RESF1: variants seen among roughly 807,000 people sequenced by gnomAD.
The protein encoded by RESF1 is retroelement silencing factor 1, also known as gonad expressed transcript.
RESF1 carries 65 observed loss-of-function variants against 134.7 expected under a neutral mutation model. That is an observed-to-expected ratio of 0.48 (90% CI 0.40 to 0.59). The LOEUF (loss-of-function observed/expected upper bound fraction) is 0.59, where lower values mean the gene tolerates loss of function less well. Among genes scored for constraint, RESF1 ranks in the 20% least tolerant of loss-of-function variants. The probability of loss-of-function intolerance (pLI) is 0.00; values close to 1 mark genes in which losing one functional copy is unlikely to be tolerated. For synonymous variants in RESF1, 762 were observed against 702.2 expected, an observed-to-expected ratio of 1.09 and a Z score of -1.35; for missense variants, 2,274 against 2,002.7, an observed-to-expected ratio of 1.14 and a Z score of -2.59.
At chr12:31,973,171 G>A (rs1939553381) in intron 3 of RESF1, among the ~76,000 whole-genome samples, 1 of 152,014 alleles carries the variant, frequency 6.6e-6, no homozygotes, top group Admixed American at 6.6e-5. Flanking sequence ...ACTTGTCTAT[G>A]GTAATCTGTG....
chr12:31,983,820 A>G lies in RESF1; in HGVS notation c.2865A>G (p.Gln955=). Residue 955 remains glutamine (Q), a synonymous_variant, in exon 4 of 6, where the codon CAA becomes CAG. Coordinates refer to ENST00000312561, the MANE Select transcript of RESF1 (RefSeq NM_018169.4). The part of the protein sequence containing the change: ...NTTENKDFGF[Q]KDKPVQCTDV... ...CTGAAAATAAAGACTTTGGTTTTCA[A>G]AAAGATAAACCTGTACAGTGCACAG... 1 of 1,612,768 alleles carries G rather than the reference A, an allele frequency of 6.2e-7. No homozygotes were observed. Among genetic ancestry groups the G allele is most frequent in the Non-Finnish European group, 8.5e-7 (1 of 1,179,892 alleles).
intron 3 of RESF1, among the ~76,000 whole-genome samples, chr12:31,979,938 C>T (rs1231995325): frequency 6.6e-6 from 1 of 151,480 alleles, no homozygotes; most frequent in African/African-American, 2.4e-5. Context: ...TTCCAACCGT[C>T]TAATACTTGG....
intron 5 of RESF1, 55 bp from the exon 6 acceptor site, chr12:31,992,323 A>G: frequency 6.9e-7 from 1 of 1,441,854 alleles, no homozygotes. Flanking sequence ...TTGATTATAT[A>G]TTGATCACAG....
intron 4 of RESF1, among the ~76,000 whole-genome samples, chr12:31,986,859 T>C (rs1939983418): frequency 6.6e-6 from 1 of 152,186 alleles, no homozygotes; most frequent in South Asian, 2.1e-4. Context: ...ATATTCATTT[T>C]GTAAAAAATT....
chr12:31,968,857 C>A (rs1939452746), intron 2 of RESF1, among the ~76,000 whole-genome samples: 1 of 152,194 alleles, frequency 6.6e-6, no homozygotes. Flanking sequence ...GCCTGAAAGA[C>A]TTTTATGCCT....
At position 31,992,589 on chromosome 12, in the gene RESF1, C is replaced by A; in HGVS notation, c.*54C>A. The stretch of plus-strand genomic sequence containing the variant: ...TGGGAAATTTCTTTCCTTTTCTGTT[C>A]AAAATATTTCGCTGAAACTAATGAG... On this transcript the variant is annotated 3_prime_UTR_variant, in exon 6 of 6. Transcript: ENST00000312561. The A allele has an allele frequency of 1.3e-6, 2 of 1,521,826 alleles. No individual in the cohort carries two copies. The highest frequency in any genetic ancestry group is 1.2e-5 in the South Asian group (1 of 85,766). The allele number at this position is 1,521,826 out of a possible 1,614,324, so 94.3% of individuals were successfully genotyped here.
rs758296073 is a variant in RESF1, at chr12:31,983,982, T to TA, written c.3028dup (p.Thr1010AsnfsTer31). 1 of 1,613,860 alleles carries TA rather than the reference T, an allele frequency of 6.2e-7. No homozygotes were observed. Among genetic ancestry groups the TA allele is most frequent in the African/African-American group, 1.3e-5 (1 of 75,010 alleles). The stretch of plus-strand genomic sequence containing the variant: ...CCACTGAAAAAAGCACAGCTAACGA[T>TA]ACGTGCTCGTCAGCTGCTATTCAGG... On this transcript the variant is annotated frameshift_variant, in exon 4 of 6. Coordinates refer to ENST00000312561, the MANE Select transcript of RESF1 (RefSeq NM_018169.4). LOFTEE classifies it high-confidence loss of function.
chr12:31,985,693 T>C lies in RESF1; in HGVS notation c.4738T>C (p.Leu1580=). 1.2e-6 allele frequency: 2 copies of C among 1,611,424 alleles called. No individual in the cohort carries two copies. The highest frequency in any genetic ancestry group is 1.7e-6 in the Non-Finnish European group (2 of 1,179,382). Residue 1580 remains leucine, a synonymous_variant, in exon 4 of 6, where the codon TTA becomes CTA. Transcript: ENST00000312561. The part of the protein sequence containing the change: ...MPPQVKDQKK[L]YLNRVGFKCT... ...TCCCCAAGTAAAGGATCAAAAGAAATTATATCTGAATAGAGTTGGGTTTAA... is the reference window on the plus strand; with the variant it reads ...TCCCCAAGTAAAGGATCAAAAGAAACTATATCTGAATAGAGTTGGGTTTAA...
chr12:31,960,416 C>T (rs1003452278), intron 1 of RESF1, among the ~76,000 whole-genome samples: 5 of 152,126 alleles, frequency 3.3e-5, no homozygotes, highest in Non-Finnish European at 7.3e-5. Flanking sequence ...AATCATGTTT[C>T]AGTCACTGTT....
At position 31,984,867 on chromosome 12, in the gene RESF1, T is replaced by A; in HGVS notation, c.3912T>A (p.Phe1304Leu). The change falls in exon 4 of 6, where the codon TTT becomes TTA. Residue 1304 changes from phenylalanine to leucine, a missense_variant. Phe to Leu is a conservative substitution (Grantham distance 22). Coordinates refer to ENST00000312561, the MANE Select transcript of RESF1 (RefSeq NM_018169.4). ...RKKLRFHEVTFHSSNKMTASY... is the reference protein window; with the variant it reads ...RKKLRFHEVTLHSSNKMTASY... ...AATTGAGGTTTCACGAGGTAACCTT[T>A]CACTCCAGTAATAAAATGACAGCAT... The A allele has an allele frequency of 1.2e-6, 2 of 1,607,068 alleles. No individual in the cohort carries two copies. Among genetic ancestry groups the A allele is most frequent in the Non-Finnish European group, 1.7e-6 (2 of 1,178,394 alleles).
chr12:31,985,887 G>T lies in RESF1; in HGVS notation c.4932G>T (p.Lys1644Asn). 6.5e-7 allele frequency: 1 copy of T among 1,532,472 alleles called. No homozygotes were observed. Among genetic ancestry groups the T allele is most frequent in the Non-Finnish European group, 8.7e-7 (1 of 1,148,908 alleles). 94.9% of individuals were successfully genotyped at this position (1,532,472 alleles called of 1,614,324 possible). ...AATTATGTCCAGATATCTTACTAAA[G>T]AATACAAACTCTGTGGAAGAACGGA... ...EFKLCPDILL[K>N]NTNSVEERKD... The change falls in exon 4 of 6, where the codon AAG (lysine) becomes AAT (asparagine). Residue 1644 changes from lysine (K) to asparagine (N), a missense_variant. Physicochemically the swap from Lys to Asn is moderately conservative, Grantham distance 94 (BLOSUM62 0). Coordinates refer to ENST00000312561, the MANE Select transcript of RESF1 (RefSeq NM_018169.4).
chr12:31,969,090 A>G (rs1025989152), intron 2 of RESF1, among the ~76,000 whole-genome samples: 1 of 152,118 alleles, frequency 6.6e-6, no homozygotes, highest in Non-Finnish European at 1.5e-5. Context: ...ATAGGCGTGT[A>G]CCACCACGCC....
chr12:31,979,367 G>A (rs1391651517), intron 3 of RESF1, among the ~76,000 whole-genome samples: 1 of 152,178 alleles, frequency 6.6e-6, no homozygotes, highest in Non-Finnish European at 1.5e-5. Flanking sequence ...AAAGGGCTCA[G>A]TCCTACAAGA....
Position 31,982,261 on chromosome 12 carries a change from G to A in RESF1, c.1306G>A (p.Glu436Lys), listed in dbSNP as rs1338303297. 1.2e-6 allele frequency: 2 copies of A among 1,614,044 alleles called. No individual in the cohort carries two copies. The highest frequency in any genetic ancestry group is 1.7e-6 in the Non-Finnish European group (2 of 1,180,010). ...CIKMTNTSYS[E>K]PAQNSKLSLK... is the part of the protein sequence containing the mutation. ...TAAAATGACTAATACTTCTTATAGTGAACCAGCTCAGAATTCTAAATTGTC... is the reference window on the plus strand; with the variant it reads ...TAAAATGACTAATACTTCTTATAGTAAACCAGCTCAGAATTCTAAATTGTC... The change falls in exon 4 of 6, where the codon GAA becomes AAA. Residue 436 changes from glutamate to lysine, a missense_variant. Glu to Lys is a moderately conservative substitution (Grantham distance 56). Transcript: ENST00000312561.
chr12:31,991,534 T>G (rs1300369853), intron 5 of RESF1, among the ~76,000 whole-genome samples: 2 of 152,224 alleles, frequency 1.3e-5, no homozygotes, highest in African/African-American at 4.8e-5. Flanking sequence ...GTGGTTTGAC[T>G]TAGGATTTCT....
intron 2 of RESF1, among the ~76,000 whole-genome samples, chr12:31,964,264 TTG>T (rs1939346749): frequency 8.3e-6 from 1 of 121,086 alleles, no homozygotes; most frequent in South Asian, 2.5e-4. Context: ...ACCCAATTAG[TTG>T]TTTTTTTTTC....
Position 31,983,131 on chromosome 12 carries a change from CAG to C in RESF1, c.2178_2179del (p.Asn727Ter). ...TTCAGTTGTGGGAAATTCAAATTCT[CAG>C]AATAAAATAAGTAATCCCTCACAGC... ...PCSVVGNSNS[Q>X]NKISNPSQQT... On this transcript the variant is annotated frameshift_variant, in exon 4 of 6. Coordinates refer to ENST00000312561, the MANE Select transcript of RESF1 (RefSeq NM_018169.4). LOFTEE classifies it high-confidence loss of function. The C allele has an allele frequency of 1.2e-6, 2 of 1,610,834 alleles. No homozygotes were observed. The highest frequency in any genetic ancestry group is 1.7e-6 in the Non-Finnish European group (2 of 1,178,856).
At chr12:31,976,404 G>A (rs1939633735) in intron 3 of RESF1, among the ~76,000 whole-genome samples, 1 of 152,156 alleles carries the variant, frequency 6.6e-6, no homozygotes, top group Non-Finnish European at 1.5e-5. Flanking sequence ...TGTATTCTTA[G>A]AATAAGCTTG....
intron 2 of RESF1, among the ~76,000 whole-genome samples, chr12:31,964,013 CGT>C: frequency 6.6e-6 from 1 of 152,154 alleles, no homozygotes; most frequent in East Asian, 1.9e-4. Flanking sequence ...TTTATGTAGA[CGT>C]GTATTTTTAT....
Sources: allele counts gnomAD v4.1 joint callset (sites outside exome capture counted in the v4.1 genomes callset), GRCh38; gene constraint gnomAD v4.1.1; transcripts MANE v1.5; gene names NCBI Gene and HGNC (gene_info 2026-07-23, HGNC 2026-07-21).